The following PRRC2B variants were observed in gnomAD, a reference collection of about 807,000 sequenced individuals.
PRRC2B encodes proline rich coiled-coil 2B.
PRRC2B carries 68 observed loss-of-function variants against 242.3 expected under a neutral mutation model. That is an observed-to-expected ratio of 0.28 (90% CI 0.23 to 0.34). The LOEUF (loss-of-function observed/expected upper bound fraction) is 0.34. Among genes scored for constraint, PRRC2B ranks in the 10% least tolerant of loss-of-function variants. The probability of loss-of-function intolerance (pLI) is 1.00; values close to 1 mark genes in which losing one functional copy is unlikely to be tolerated. For missense variants in PRRC2B, 2,835 were observed against 2,954.8 expected, an observed-to-expected ratio of 0.96 and a Z score of 0.94; for synonymous variants, 1,228 against 1,173.6, an observed-to-expected ratio of 1.05 and a Z score of -0.95.
At chr9:131,389,912 G>GTTTTTTTTTTTTTTTTT (rs1229622613), upstream of PRRC2B, among the ~76,000 whole-genome samples, 1 of 136,384 alleles carries the variant, frequency 7.3e-6, no homozygotes, top group Non-Finnish European at 1.6e-5. Context: ...TCGGAACATG[G>GTTTTTTTTTTTTTTTTT]TTGTTTTTTT....
At chr9:131,453,573 CCAAGCTGGAGTGCA>C (rs1942985724) in intron 9 of PRRC2B, among the ~76,000 whole-genome samples, 1 of 152,086 alleles carries the variant, frequency 6.6e-6, no homozygotes, top group South Asian at 2.1e-4. Context: ...GCTCTGTTGC[CCAAGCTGGAGTGCA>C]GTGGCACAGT....
intron 2 of PRRC2B, among the ~76,000 whole-genome samples, chr9:131,430,514 GATA>G (rs1564281499): frequency 0.14 from 2,289 of 16,604 alleles, 25 homozygotes; most frequent in Middle Eastern, 0.28. Context: ...GATATCTATA[GATA>G]GATAGATAGA....
rs748046952 is a variant in PRRC2B at position 131,475,329 on chromosome 9, G to A, written c.3200G>A (p.Arg1067Gln). ...GGGGTCAGAGGACAGGCCCGGGGCCGGGGCCGTGGTTTCAGAGAGTTCACT... is the reference window on the plus strand; with the variant it reads ...GGGGTCAGAGGACAGGCCCGGGGCCAGGGCCGTGGTTTCAGAGAGTTCACT... ...AFGVRGQARG[R>Q]GRGFREFTFR... Residue 1067 changes from arginine (R) to glutamine (Q), a missense_variant, in exon 16 of 32, where the codon CGG (arginine) becomes CAG (glutamine). Physicochemically the swap from Arg to Gln is conservative, Grantham distance 43. Around this residue, in one of 7 missense-constraint regions of PRRC2B, gnomAD observed 1,536 missense variants for 1,483.1 expected, o/e 1.04. Coordinates refer to ENST00000683519, the MANE Select transcript of PRRC2B (RefSeq NM_013318.4). The A allele has an allele frequency of 1.6e-5, 26 of 1,593,262 alleles. No homozygotes were observed. In the East Asian group the frequency reaches 2.9e-4, roughly 18 times the overall value.
intron 1 of PRRC2B, among the ~76,000 whole-genome samples, chr9:131,419,850 C>CG (rs1200663869): frequency 6.9e-4 from 80 of 115,636 alleles, no homozygotes; most frequent in Admixed American, 1.7e-3. Context: ...CATGTTGGGC[C>CG]GGGGGGGTCT....
At position 131,494,680 on chromosome 9, in the gene PRRC2B, C is replaced by T. The variant is rs927469065; in HGVS notation, c.6555+194C>T. Among the ~76,000 whole-genome samples, 2 of 152,184 alleles carry T rather than the reference C, an allele frequency of 1.3e-5. No individual in the cohort carries two copies. The highest frequency in any genetic ancestry group is 2.9e-5 in the Non-Finnish European group (2 of 68,030). ...CGAAGGCATTTCTCCTCTTGACGGGCGTCTGGATCCTTCCTTGTCCTGCAG... is the reference window on the plus strand; with the variant it reads ...CGAAGGCATTTCTCCTCTTGACGGGTGTCTGGATCCTTCCTTGTCCTGCAG... On this transcript the variant is annotated intron_variant, in intron 31 of 31. Transcript: ENST00000683519. This position sits in a 1 kb window ranked among gnomAD's most constrained non-coding sequence, Gnocchi z 4.3.
chr9:131,478,200 G>T (rs1355593332), intron 17 of PRRC2B, among the ~76,000 whole-genome samples: 1 of 136,422 alleles, frequency 7.3e-6, no homozygotes, highest in East Asian at 2.2e-4. Context: ...GAAGCCTGGG[G>T]CCCAGAGACG....
chr9:131,447,555 T>C, intron 8 of PRRC2B, 107 bp from the exon 9 acceptor site: 1 of 1,137,392 alleles, frequency 8.8e-7, no homozygotes, highest in Non-Finnish European at 1.2e-6. Flanking sequence ...TAGAAATAAT[T>C]AAATCAAACA....
At chr9:131,451,648 C>A (rs982077413) in intron 9 of PRRC2B, among the ~76,000 whole-genome samples, 1 of 152,076 alleles carries the variant, frequency 6.6e-6, no homozygotes, top group Non-Finnish European at 1.5e-5. Context: ...TCTTTCTGGT[C>A]TGAGGAAGAA....
chr9:131,448,575 A>C (rs1340874073), intron 9 of PRRC2B, among the ~76,000 whole-genome samples: 2 of 148,196 alleles, frequency 1.3e-5, no homozygotes, highest in African/African-American at 4.9e-5. Flanking sequence ...AAAAAAGGAA[A>C]GAGAAAGAGT....
At chr9:131,443,631 A>G (rs1359632508) in intron 5 of PRRC2B, among the ~76,000 whole-genome samples, 1 of 151,490 alleles carries the variant, frequency 6.6e-6, no homozygotes, top group East Asian at 1.9e-4. Context: ...GGGTTTTGCC[A>G]TGTTGCCCAG....
chr9:131,416,877 A>G (rs1006757726), intron 1 of PRRC2B, among the ~76,000 whole-genome samples: 6 of 149,886 alleles, frequency 4.0e-5, no homozygotes, highest in Non-Finnish European at 8.9e-5. Flanking sequence ...TTAAGGGGGA[A>G]AAAAAGTTTA....
At chr9:131,448,543 C>CAAAAAAAAAAAAAAAAA (rs754661321) in intron 9 of PRRC2B, among the ~76,000 whole-genome samples, 424 of 39,856 alleles carry the variant, frequency 0.011, 126 homozygotes, top group East Asian at 0.046. Flanking sequence ...GACACTGTCT[C>CAAAAAAAAAAAAAAAAA]AAAAAAAAAA....
intron 1 of PRRC2B, among the ~76,000 whole-genome samples, chr9:131,400,864 G>A (rs1048703590): frequency 1.3e-5 from 2 of 152,162 alleles, no homozygotes; most frequent in South Asian, 2.1e-4. Flanking sequence ...GGACATGGAT[G>A]CCCCATTGAC....
intron 15 of PRRC2B, among the ~76,000 whole-genome samples, chr9:131,473,962 C>T (rs930777510): frequency 1.3e-5 from 2 of 152,178 alleles, no homozygotes; most frequent in African/African-American, 4.8e-5. Context: ...CCGGGGTCCT[C>T]AAATCCTGGG....
At chr9:131,444,040 A>G in intron 5 of PRRC2B, 145 bp from the exon 6 acceptor site, 1 of 854,544 alleles carries the variant, frequency 1.2e-6, no homozygotes, top group African/African-American at 1.7e-5. Context: ...CCCTCGTGGC[A>G]TCTGCCAGCA....
At chr9:131,452,152 T>C (rs1942942347) in intron 9 of PRRC2B, among the ~76,000 whole-genome samples, 1 of 151,472 alleles carries the variant, frequency 6.6e-6, no homozygotes, top group African/African-American at 2.4e-5. Context: ...TATTTTTCTT[T>C]TTCTTTCTTT....
intron 5 of PRRC2B, among the ~76,000 whole-genome samples, chr9:131,439,666 T>C (rs1588251879): frequency 6.6e-6 from 1 of 152,112 alleles, no homozygotes; most frequent in South Asian, 2.1e-4. Context: ...TTGAAATCCC[T>C]GTGCTCAAAG....
chr9:131,457,903 C>T (rs1246997581), intron 10 of PRRC2B, among the ~76,000 whole-genome samples: 1 of 152,192 alleles, frequency 6.6e-6, no homozygotes, highest in Non-Finnish European at 1.5e-5. Flanking sequence ...CCTGCCTCGT[C>T]TTCCCTCCCT....
rs780641574 is a variant in PRRC2B, at chr9:131,459,153, GT to G, written c.1212-8del. ...GTGCAAAAACTTAACATCAAATGTGGTTTGTCCTAGGAACAGTTGGGACCCT... is the reference window on the plus strand; with the variant it reads ...GTGCAAAAACTTAACATCAAATGTGGTTGTCCTAGGAACAGTTGGGACCCT... On this transcript the variant is annotated splice_polypyrimidine_tract_variant and intron_variant, in intron 10 of 31. Coordinates refer to ENST00000683519, the MANE Select transcript of PRRC2B (RefSeq NM_013318.4). The G allele has an allele frequency of 2.5e-6, 4 of 1,609,690 alleles. No homozygotes were observed. Among genetic ancestry groups the G allele is most frequent in the Non-Finnish European group, 3.4e-6 (4 of 1,176,566 alleles).
Sources: allele counts gnomAD v4.1 joint callset (sites outside exome capture counted in the v4.1 genomes callset), GRCh38; gene constraint gnomAD v4.1.1; regional missense constraint gnomAD v4.1.1; non-coding constraint Gnocchi (gnomAD v3.1); transcripts MANE v1.5; gene names NCBI Gene and HGNC (gene_info 2026-07-23, HGNC 2026-07-21).